KCNJ6: variants seen among roughly 807,000 people sequenced by gnomAD.
KCNJ6 encodes G protein-activated inward rectifier potassium channel 2.
In KCNJ6, 9 loss-of-function variants were observed where a neutral mutation model predicts 34.2. That is an observed-to-expected ratio of 0.26 (90% CI 0.16 to 0.46). KCNJ6 has a LOEUF of 0.46. KCNJ6 is among the 20% of genes least tolerant of loss of function. The pLI is 1.00. For missense variants in KCNJ6, 236 were observed against 531.3 expected, an observed-to-expected ratio of 0.44 and a Z score of 5.46; for synonymous variants, 196 against 207.1, an observed-to-expected ratio of 0.95 and a Z score of 0.46.
chr21:37,776,634 T>C (rs2055143976), intron 2 of KCNJ6, among the ~76,000 whole-genome samples: 2 of 152,230 alleles, frequency 1.3e-5, no homozygotes, highest in South Asian at 4.1e-4. Context: ...TGGTTCTGTT[T>C]ATATGCTGGA....
At chr21:37,748,742 C>G (rs1431009794) in intron 2 of KCNJ6, among the ~76,000 whole-genome samples, 2 of 152,170 alleles carry the variant, frequency 1.3e-5, no homozygotes, top group Non-Finnish European at 2.9e-5. Context: ...ACTTTTTGTT[C>G]ACTTTATGCA....
At position 37,889,810 on chromosome 21, in the gene KCNJ6, C is replaced by A. The variant is rs1430421508; in HGVS notation, c.-28+26074G>T. Among the ~76,000 whole-genome samples the A allele has an allele frequency of 2.6e-5, 4 of 152,306 alleles. No homozygotes were observed. In the East Asian group the frequency reaches 7.7e-4, roughly 29 times the overall value. ...TCTCATGGCCATCCCATTGTCTCCT[C>A]TTTTAAGCACACCAGTCATACTGGA... is the stretch of plus-strand genomic sequence containing the variant. On this transcript the variant is annotated intron_variant, in intron 1 of 3. Coordinates refer to ENST00000609713, the MANE Select transcript of KCNJ6 (RefSeq NM_002240.5).
intron 1 of KCNJ6, among the ~76,000 whole-genome samples, chr21:37,906,980 A>G (rs2055844781): frequency 6.6e-6 from 1 of 152,226 alleles, no homozygotes; most frequent in Non-Finnish European, 1.5e-5. Context: ...CGTTGCCATT[A>G]TTGAAACTAG....
chr21:37,852,439 C>T (rs2055542383), intron 1 of KCNJ6, among the ~76,000 whole-genome samples: 1 of 152,120 alleles, frequency 6.6e-6, no homozygotes, highest in Admixed American at 6.5e-5. Context: ...TAATGAGGTG[C>T]CCCCTCCTAT....
intron 1 of KCNJ6, among the ~76,000 whole-genome samples, chr21:37,899,680 G>T (rs1177209380): frequency 6.6e-6 from 1 of 152,136 alleles, no homozygotes; most frequent in Non-Finnish European, 1.5e-5. Flanking sequence ...CCAAAATGCA[G>T]GGCCAGAGTC....
intron 1 of KCNJ6, among the ~76,000 whole-genome samples, chr21:37,913,158 C>T (rs1353749230): frequency 6.6e-6 from 1 of 152,178 alleles, no homozygotes; most frequent in Admixed American, 6.5e-5. Flanking sequence ...GGGGGACCTA[C>T]TACCAAGGAT....
chr21:37,890,015 T>G (rs993995848), intron 1 of KCNJ6, among the ~76,000 whole-genome samples: 2 of 152,228 alleles, frequency 1.3e-5, no homozygotes, highest in African/African-American at 4.8e-5. Flanking sequence ...TATTTCTGGA[T>G]GCTGGGTTTA....
At chr21:37,636,102 C>T (rs569404852) in intron 3 of KCNJ6, among the ~76,000 whole-genome samples, 4 of 152,156 alleles carry the variant, frequency 2.6e-5, no homozygotes, top group African/African-American at 9.7e-5. Context: ...AGGATGGACA[C>T]CCATCTCTAG....
chr21:37,638,437 G>A (rs1228570830), intron 3 of KCNJ6, among the ~76,000 whole-genome samples: 2 of 152,082 alleles, frequency 1.3e-5, no homozygotes, highest in East Asian at 1.9e-4. Context: ...GTGAGCCACC[G>A]CTCCCAGCCA....
intron 2 of KCNJ6, among the ~76,000 whole-genome samples, chr21:37,835,942 G>A (rs2055449490): frequency 6.6e-6 from 1 of 152,090 alleles, no homozygotes; most frequent in Non-Finnish European, 1.5e-5. Flanking sequence ...CATTTCAAAG[G>A]GTAGTGTTAA....
At chr21:37,741,776 C>A (rs1461525684) in intron 2 of KCNJ6, among the ~76,000 whole-genome samples, 1 of 152,224 alleles carries the variant, frequency 6.6e-6, no homozygotes, top group Non-Finnish European at 1.5e-5. Context: ...CTTTGTGTCT[C>A]CATCTTTCAC....
chr21:37,661,425 C>A (rs2054487531), intron 3 of KCNJ6, among the ~76,000 whole-genome samples: 1 of 152,084 alleles, frequency 6.6e-6, no homozygotes, highest in South Asian at 2.1e-4. Flanking sequence ...GAGTGATGTG[C>A]TACATCAATA....
intron 2 of KCNJ6, among the ~76,000 whole-genome samples, chr21:37,783,728 C>G (rs2055180604): frequency 6.6e-6 from 1 of 152,154 alleles, no homozygotes; most frequent in Admixed American, 6.5e-5. Context: ...TGTTGAAGCT[C>G]TAACCTCCAG....
At chr21:37,784,066 C>T (rs189350950) in intron 2 of KCNJ6, among the ~76,000 whole-genome samples, 4 of 152,290 alleles carry the variant, frequency 2.6e-5, no homozygotes, top group East Asian at 1.9e-4. Context: ...GTTATAGTGA[C>T]GTGAGCTGAC....
At chr21:37,896,470 T>G (rs1275264751) in intron 1 of KCNJ6, among the ~76,000 whole-genome samples, 1 of 152,170 alleles carries the variant, frequency 6.6e-6, no homozygotes, top group Non-Finnish European at 1.5e-5. Context: ...TGACTGCTTC[T>G]CACCTGCCTG....
At chr21:37,871,416 G>A (rs1393297644) in intron 1 of KCNJ6, among the ~76,000 whole-genome samples, 1 of 152,194 alleles carries the variant, frequency 6.6e-6, no homozygotes, top group Non-Finnish European at 1.5e-5. Flanking sequence ...ATGCAAGGCT[G>A]ATATAGACCC....
At chr21:37,810,171 C>T (rs1203199876) in intron 2 of KCNJ6, among the ~76,000 whole-genome samples, 1 of 152,174 alleles carries the variant, frequency 6.6e-6, no homozygotes, top group Non-Finnish European at 1.5e-5. Flanking sequence ...CAAGTAGGAT[C>T]ATATTATACA....
rs2054762407 is a variant in KCNJ6 at position 37,712,579 on chromosome 21, C to T, written c.946+1632G>A. Among the ~76,000 whole-genome samples, 8 of 103,112 alleles carry T rather than the reference C, an allele frequency of 7.8e-5. 2 individuals carry two copies. Among genetic ancestry groups the T allele is most frequent in the East Asian group, 2.9e-4 (1 of 3,468 alleles). 67.6% of individuals were successfully genotyped at this position (103,112 alleles called of 152,430 possible). The stretch of plus-strand genomic sequence containing the variant: ...CTCCTCCCCTTCTCCTCCTCTTCTT[C>T]CTCCCTTTCTCTTCCCTCCCTCCTC... On this transcript the variant is annotated intron_variant, in intron 3 of 3. Transcript: ENST00000609713.
chr21:37,799,037 C>T (rs1368210544), intron 2 of KCNJ6, among the ~76,000 whole-genome samples: 1 of 152,040 alleles, frequency 6.6e-6, no homozygotes, highest in African/African-American at 2.4e-5. Context: ...AACATAGTAC[C>T]TATTGGTTAT....
Sources: gnomAD v4.1 joint callset for allele counts (sites outside exome capture counted in the v4.1 genomes callset) on GRCh38, gnomAD v4.1.1 for gene constraint, MANE v1.5 for transcripts, NCBI Gene and HGNC (gene_info 2026-07-23, HGNC 2026-07-21) for gene names.